Variants in EYS observed in about 807,000 individuals in gnomAD.
EYS encodes protein eyes shut homolog.
In EYS, 250 loss-of-function variants were observed where a neutral mutation model predicts 282.1. That is an observed-to-expected ratio of 0.89 (90% CI 0.80 to 0.98). EYS has a LOEUF of 0.98. Ranked by LOEUF, EYS falls within the 50% of genes least tolerant of loss-of-function variation. The pLI is 0.00. For missense variants in EYS, 4,016 were observed against 3,709.0 expected, an observed-to-expected ratio of 1.08 and a Z score of -2.15; for synonymous variants, 1,355 against 1,282.9, an observed-to-expected ratio of 1.06 and a Z score of -1.20.
chr6:64,224,032 T>C (rs1031080549), intron 31 of EYS, among the ~76,000 whole-genome samples: 6 of 152,054 alleles, frequency 3.9e-5, no homozygotes, highest in Non-Finnish European at 7.4e-5. Flanking sequence ...GGGCAGAAGA[T>C]AGTGCCAAAA....
intron 1 of EYS, among the ~76,000 whole-genome samples, chr6:65,702,568 T>C (rs891633476): frequency 6.6e-6 from 1 of 152,166 alleles, no homozygotes; most frequent in Non-Finnish European, 1.5e-5. Context: ...AGCACTTGCC[T>C]GTATTCCCAA....
At chr6:64,527,372 G>A (rs915930801) in intron 26 of EYS, among the ~76,000 whole-genome samples, 1 of 151,920 alleles carries the variant, frequency 6.6e-6, no homozygotes, top group East Asian at 1.9e-4. Context: ...TATATTCAAT[G>A]CTTTTAATAA....
chr6:63,799,868 A>C (rs990055473), intron 37 of EYS, among the ~76,000 whole-genome samples: 1 of 152,192 alleles, frequency 6.6e-6, no homozygotes, highest in Non-Finnish European at 1.5e-5. Flanking sequence ...GTACTGGGAG[A>C]GGTAAAGAGG....
At chr6:65,383,410 A>G (rs190343856) in intron 8 of EYS, among the ~76,000 whole-genome samples, 15 of 151,956 alleles carry the variant, frequency 9.9e-5, no homozygotes, top group African/African-American at 3.6e-4. Flanking sequence ...TGGTTTCTAA[A>G]AAGTTATAAT....
intron 14 of EYS, among the ~76,000 whole-genome samples, chr6:64,970,686 A>G (rs1210294190): frequency 2.0e-5 from 3 of 152,160 alleles, no homozygotes; most frequent in African/African-American, 7.2e-5. Context: ...TTAGTACAAT[A>G]CGTAAACCTT....
intron 26 of EYS, among the ~76,000 whole-genome samples, chr6:64,579,232 G>A (rs1256603771): frequency 6.6e-6 from 1 of 152,114 alleles, no homozygotes; most frequent in African/African-American, 2.4e-5. Flanking sequence ...AGAAGACCCA[G>A]CTAAGATCTG....
chr6:65,025,604 C>T lies in EYS; in HGVS notation c.2138-27901G>A, dbSNP rs568399406. 1.1e-4 allele frequency among the ~76,000 whole-genome samples: 16 copies of T among 152,226 alleles called. No individual in the cohort carries two copies. The East Asian group carries it at 1.2e-3, about 11-fold the overall frequency. On this transcript the variant is annotated intron_variant, in intron 13 of 42. Coordinates refer to ENST00000503581, the MANE Select transcript of EYS (RefSeq NM_001142800.2). The stretch of plus-strand genomic sequence containing the variant: ...TAGAGCTATGCATTCATCCCAGCTG[C>T]GCAAGAGGCTGAGGCACGAGAACTG...
intron 30 of EYS, among the ~76,000 whole-genome samples, chr6:64,252,241 C>T (rs927370733): frequency 6.6e-6 from 1 of 152,080 alleles, no homozygotes; most frequent in Non-Finnish European, 1.5e-5. Flanking sequence ...ACTCTCCATG[C>T]CCCATCCTCT....
At chr6:65,611,027 G>A (rs1765980749) in intron 2 of EYS, among the ~76,000 whole-genome samples, 2 of 151,924 alleles carry the variant, frequency 1.3e-5, no homozygotes, top group Admixed American at 1.3e-4. Flanking sequence ...TTAACTAAAT[G>A]CTTAAATGGC....
chr6:65,231,226 G>T (rs1288039057), intron 12 of EYS, among the ~76,000 whole-genome samples: 5 of 144,806 alleles, frequency 3.5e-5, no homozygotes, highest in African/African-American at 5.0e-5. Context: ...ATATATATCT[G>T]AATTTCTGTT....
intron 19 of EYS, among the ~76,000 whole-genome samples, chr6:64,835,124 T>G (rs1480795245): frequency 1.3e-5 from 2 of 151,892 alleles, no homozygotes; most frequent in East Asian, 3.9e-4. Context: ...CATAGTTTAA[T>G]TCCCCTGATG....
intron 14 of EYS, among the ~76,000 whole-genome samples, chr6:64,956,019 A>C (rs1439761985): frequency 6.6e-6 from 1 of 152,198 alleles, no homozygotes; most frequent in Non-Finnish European, 1.5e-5. Flanking sequence ...AATACTATGC[A>C]AAGCAGTCTA....
At chr6:64,768,278 CTT>C (rs145559353) in intron 22 of EYS, among the ~76,000 whole-genome samples, 2 of 152,062 alleles carry the variant, frequency 1.3e-5, no homozygotes, top group South Asian at 2.1e-4. Flanking sequence ...AAATAGAACA[CTT>C]TGAGAAATTT....
At chr6:63,858,691 A>G (rs1404665284) in intron 36 of EYS, among the ~76,000 whole-genome samples, 1 of 152,144 alleles carries the variant, frequency 6.6e-6, no homozygotes, top group South Asian at 2.1e-4. Context: ...TGTAACAAGG[A>G]ACTGGAAAAT....
chr6:64,882,843 T>C lies in EYS; in HGVS notation c.2992+3854A>G, dbSNP rs192255050. On this transcript the variant is annotated intron_variant, in intron 19 of 42. Transcript: ENST00000503581. ...TTGATGGAGAGAAGAGATAAAATGG[T>C]GAGCAAGTAGATTTGGGGAGTCTCC... Among the ~76,000 whole-genome samples the C allele has an allele frequency of 2.9e-3, 438 of 151,698 alleles. 1 individual carries two copies. Among genetic ancestry groups the C allele is most frequent in the African/African-American group, 9.7e-3 (403 of 41,494 alleles).
chr6:63,900,035 T>G (rs1293666595), intron 35 of EYS, among the ~76,000 whole-genome samples: 4 of 152,212 alleles, frequency 2.6e-5, no homozygotes, highest in African/African-American at 9.7e-5. Flanking sequence ...CTTTTTTTCC[T>G]TAGTGCAGTA....
At chr6:64,003,551 A>G (rs1768197240) in intron 33 of EYS, among the ~76,000 whole-genome samples, 1 of 152,210 alleles carries the variant, frequency 6.6e-6, no homozygotes, top group African/African-American at 2.4e-5. Context: ...CATCCCATAT[A>G]CCCCATAAAT....
intron 2 of EYS, among the ~76,000 whole-genome samples, chr6:65,595,022 T>C (rs1045331777): frequency 6.6e-6 from 1 of 152,110 alleles, no homozygotes; most frequent in Admixed American, 6.6e-5. Context: ...CATTGGTCTG[T>C]ATCTCTGTTT....
intron 12 of EYS, among the ~76,000 whole-genome samples, chr6:65,206,919 T>G (rs2150249507): frequency 6.6e-6 from 1 of 152,032 alleles, no homozygotes; most frequent in Non-Finnish European, 1.5e-5. Context: ...GGTAACAATC[T>G]GCTCAATGGG....
Sources: allele counts gnomAD v4.1 joint callset (sites outside exome capture counted in the v4.1 genomes callset), GRCh38; gene constraint gnomAD v4.1.1; transcripts MANE v1.5; gene names NCBI Gene and HGNC (gene_info 2026-07-23, HGNC 2026-07-21).